The following PCDHA6 variants were observed in gnomAD, a reference collection of about 807,000 sequenced individuals.
The protein encoded by PCDHA6 is protocadherin alpha-6.
PCDHA6 carries 55 observed loss-of-function variants against 60.3 expected under a neutral mutation model. That is an observed-to-expected ratio of 0.91 (90% confidence interval 0.73 to 1.14). The LOEUF is 1.14. Ranked by LOEUF, PCDHA6 falls within the 50% of genes most tolerant of loss-of-function variation. The pLI, the probability that PCDHA6 is intolerant of heterozygous loss-of-function variation, is 0.00. For synonymous variants in PCDHA6, 652 were observed against 557.9 expected (o/e 1.17, Z -2.38); for missense variants, 1,327 against 1,256.5 (o/e 1.06, Z -0.85).
At chr5:140,971,369 T>C (rs1384716266) in intron 1 of PCDHA6, among the ~76,000 whole-genome samples, 1 of 152,094 alleles carries the variant, frequency 6.6e-6, no homozygotes, top group Non-Finnish European at 1.5e-5. Context: ...GCCAGGAGAG[T>C]GCATGACTTT....
intron 1 of PCDHA6, among the ~76,000 whole-genome samples, chr5:140,923,036 T>C (rs868918813): frequency 1.3e-5 from 2 of 152,196 alleles, no homozygotes; most frequent in Non-Finnish European, 2.9e-5. Context: ...TATTACTACA[T>C]GTATAGTATT....
At chr5:140,883,760 CG>C (rs1160842473) in intron 1 of PCDHA6, 1 of 1,612,672 alleles carries the variant, frequency 6.2e-7, no homozygotes, top group Non-Finnish European at 8.5e-7. Context: ...GGTGGAGCGG[CG>C]GGTGGGCGAG....
intron 1 of PCDHA6, chr5:140,881,353 G>C (rs537796043): frequency 1.0e-6 from 1 of 985,060 alleles, no homozygotes; most frequent in African/African-American, 1.7e-5. Flanking sequence ...GCTACAATGC[G>C]TGGCTTTCGT....
In PCDHA6 at chr5:140,850,262, A is replaced by G. The variant is rs2150476444; in HGVS notation, c.2394+19777A>G. 32 of 1,594,296 alleles carry G rather than the reference A, an allele frequency of 2.0e-5. 1 individual carries two copies. The highest frequency in any genetic ancestry group is 2.7e-5 in the African/African-American group (2 of 74,230). On this transcript the variant is annotated intron_variant, in intron 1 of 3. Transcript: ENST00000529310. ...TGCTGCGGTCGGTGGGCGCCGGCGT[A>G]GTGGTGGGGAAGGTGCGCGCAGTGG...
chr5:140,855,331 A>C (rs1554147752), intron 1 of PCDHA6, among the ~76,000 whole-genome samples: 1 of 149,982 alleles, frequency 6.7e-6, no homozygotes, highest in Non-Finnish European at 1.5e-5. Flanking sequence ...GGGAGAGGTT[A>C]AACGATTTTC....
In PCDHA6 at chr5:140,982,530, C is replaced by G; in HGVS notation, c.2509C>G (p.Gln837Glu). The G allele has an allele frequency of 1.2e-6, 2 of 1,614,200 alleles. No homozygotes were observed. The highest frequency in any genetic ancestry group is 3.3e-5 in the Admixed American group (2 of 60,020). ...ILRAGPGGPDQQWPTVSSATP... is the reference protein window; with the variant it reads ...ILRAGPGGPDEQWPTVSSATP... ...ACGGGCTGGTCCAGGAGGGCCTGATCAGCAGTGGCCAACAGTATCCAGTGC... is the reference window on the plus strand; with the variant it reads ...ACGGGCTGGTCCAGGAGGGCCTGATGAGCAGTGGCCAACAGTATCCAGTGC... The change falls in exon 3 of 4, where the codon CAG (glutamine) becomes GAG (glutamate). Residue 837 changes from glutamine to glutamate, a missense_variant. By Grantham distance (29) the Gln-to-Glu change is conservative. Transcript: ENST00000529310.
chr5:140,841,447 C>A, intron 1 of PCDHA6: 1 of 1,612,948 alleles, frequency 6.2e-7, no homozygotes, highest in Non-Finnish European at 8.5e-7. Context: ...CCAAACACGG[C>A]ACCTTCGTGG....
At chr5:140,869,940 C>T in intron 1 of PCDHA6, 1 of 1,612,138 alleles carries the variant, frequency 6.2e-7, no homozygotes, top group African/African-American at 1.3e-5. Flanking sequence ...AGGTAACATA[C>T]TCCTTAATGT....
chr5:140,843,324 C>G lies in PCDHA6; in HGVS notation c.2394+12839C>G, dbSNP rs1251515111. On this transcript the variant is annotated intron_variant, in intron 1 of 3. Coordinates refer to ENST00000529310, the MANE Select transcript of PCDHA6 (RefSeq NM_018909.4). ...ACCGCCACGGCCACGGTTCTGGTGT[C>G]GCTGGTGGAGAGCGGCCAGGCTCCA... is the stretch of plus-strand genomic sequence containing the variant. 5.6e-6 allele frequency: 9 copies of G among 1,595,896 alleles called. 3 individuals carry two copies. The highest frequency in any genetic ancestry group is 3.4e-5 in the Admixed American group (2 of 59,276).
intron 3 of PCDHA6, among the ~76,000 whole-genome samples, chr5:140,983,987 C>T (rs1372272659): frequency 6.6e-6 from 1 of 152,126 alleles, no homozygotes; most frequent in East Asian, 1.9e-4. Context: ...CGAGTTGAAG[C>T]AATTCATTAG....
At chr5:141,009,604 A>T (rs782247768) in intron 3 of PCDHA6, 23 bp from the exon 4 acceptor site, 2 of 1,608,944 alleles carry the variant, frequency 1.2e-6, no homozygotes, top group East Asian at 4.5e-5. Context: ...CCTGTTAATG[A>T]TTTGTAATGT....
At chr5:140,968,507 T>A in intron 1 of PCDHA6, 1 of 1,614,178 alleles carries the variant, frequency 6.2e-7, no homozygotes, top group South Asian at 1.1e-5. Context: ...TCACATTCTG[T>A]ACCCTACCTC....
intron 1 of PCDHA6, among the ~76,000 whole-genome samples, chr5:140,972,862 T>C (rs781936892): frequency 2.0e-5 from 3 of 151,966 alleles, no homozygotes; most frequent in Non-Finnish European, 4.4e-5. Context: ...TGGGGTTTCA[T>C]CATGTTGTCC....
At chr5:140,941,381 A>G (rs2093056743) in intron 1 of PCDHA6, among the ~76,000 whole-genome samples, 1 of 128,140 alleles carries the variant, frequency 7.8e-6, no homozygotes, top group Non-Finnish European at 1.6e-5. Context: ...TAGTGACAGG[A>G]TTTTGGCTCA....
Position 140,994,911 on chromosome 5 carries a change from A to G in PCDHA6, c.2542+12348A>G, listed in dbSNP as rs527704488. Among the ~76,000 whole-genome samples, 14 of 152,340 alleles carry G rather than the reference A, an allele frequency of 9.2e-5. No homozygotes were observed. The East Asian group carries it at 1.7e-3, about 19-fold the overall frequency. On this transcript the variant is annotated intron_variant, in intron 3 of 3. Transcript: ENST00000529310. ...AAATGAGATCAGAAATGTAGACTGGAATCAGATTTTGTAGGACCTTAAACA... is the reference window on the plus strand; with the variant it reads ...AAATGAGATCAGAAATGTAGACTGGGATCAGATTTTGTAGGACCTTAAACA...
chr5:140,893,689 A>T (rs999117899), intron 1 of PCDHA6, among the ~76,000 whole-genome samples: 1 of 152,192 alleles, frequency 6.6e-6, no homozygotes, highest in Admixed American at 6.5e-5. Flanking sequence ...ATATCATCTC[A>T]TTCTATCCTA....
At chr5:140,941,558 A>G (rs903071259) in intron 1 of PCDHA6, among the ~76,000 whole-genome samples, 1 of 151,596 alleles carries the variant, frequency 6.6e-6, no homozygotes, top group African/African-American at 2.4e-5. Context: ...CTCGTGATCC[A>G]TTCGCCTCAG....
chr5:140,869,312 C>G (rs782161322), intron 1 of PCDHA6: 14 of 1,613,636 alleles, frequency 8.7e-6, no homozygotes, highest in Admixed American at 3.3e-5. Flanking sequence ...GCGTCCAAAA[C>G]ACATGGGGAC....
At chr5:140,841,728 A>G (rs1777450155) in intron 1 of PCDHA6, 3 of 1,613,768 alleles carry the variant, frequency 1.9e-6, no homozygotes, top group Admixed American at 3.3e-5. Flanking sequence ...TTCCGGGTAA[A>G]AGACCAAAAG....
Sources: gnomAD v4.1 joint callset for allele counts (sites outside exome capture counted in the v4.1 genomes callset) on GRCh38, gnomAD v4.1.1 for gene constraint, MANE v1.5 for transcripts, NCBI Gene and HGNC (gene_info 2026-07-23, HGNC 2026-07-21) for gene names.